RPS6KA6: variants seen among roughly 807,000 people sequenced by gnomAD.
RPS6KA6 encodes ribosomal protein S6 kinase alpha-6.
RPS6KA6 carries 27 observed loss-of-function variants against 65.4 expected under a neutral mutation model. The observed-to-expected ratio is 0.41, with a 90% CI of 0.30 to 0.57. The LOEUF (loss-of-function observed/expected upper bound fraction) is 0.57. Among genes scored for constraint, RPS6KA6 ranks in the 20% least tolerant of loss-of-function variants. RPS6KA6 has a pLI of 0.24. For missense variants in RPS6KA6, 486 were observed against 555.6 expected, an observed-to-expected ratio of 0.87 and a Z score of 1.26; for synonymous variants, 190 against 184.2, an observed-to-expected ratio of 1.03 and a Z score of -0.26.
intron 3 of RPS6KA6, among the ~76,000 whole-genome samples, chrX:84,151,141 A>C (rs1170107421): frequency 1.0e-5 from 1 of 96,065 alleles, no homozygotes; most frequent in Non-Finnish European, 2.0e-5. Context: ...GATATATAGG[A>C]TATATAGATA....
At position 84,183,183 on chromosome X, in the gene RPS6KA6, G is replaced by A. The variant is rs1040377395; in HGVS notation, c.81+4636C>T. ...CTAATACAGAGACTTATATTGGCAG[G>A]TATGCATTAAATACCTGTTACATTG... On this transcript the variant is annotated intron_variant, in intron 1 of 21. Coordinates refer to ENST00000262752, the MANE Select transcript of RPS6KA6 (RefSeq NM_014496.5). 2.7e-5 allele frequency among the ~76,000 whole-genome samples: 3 copies of A among 111,520 alleles called. No individual in the cohort carries two copies. In the Admixed American group the frequency reaches 2.9e-4, roughly 11 times the overall value.
At position 84,061,676 on chromosome X, in the gene RPS6KA6, C is replaced by T. The variant is rs1175527815; in HGVS notation, c.*2601G>A. 3.7e-5 allele frequency: 4 copies of T among 108,266 alleles called. No individual in the cohort carries two copies. Among genetic ancestry groups the T allele is most frequent in the Non-Finnish European group, 7.7e-5 (4 of 52,095 alleles). 8.9% of individuals were successfully genotyped at this position (108,266 alleles called of 1,213,427 possible). On this transcript the variant is annotated 3_prime_UTR_variant, in exon 22 of 22. Coordinates refer to ENST00000262752, the MANE Select transcript of RPS6KA6 (RefSeq NM_014496.5). ...CTCTAAGAAAAACAAATTCAATATC[C>T]TCCCCCTTCAAGAACAATAAAACCC... is the stretch of plus-strand genomic sequence containing the variant.
chrX:84,187,583 G>C lies in RPS6KA6; in HGVS notation c.81+236C>G. 3 of 311,572 alleles carry C rather than the reference G, an allele frequency of 9.6e-6. No individual in the cohort carries two copies. The Admixed American group carries it at 1.8e-4, about 19-fold the overall frequency. 25.7% of individuals were successfully genotyped at this position (311,572 alleles called of 1,213,427 possible). On this transcript the variant is annotated intron_variant, in intron 1 of 21. Transcript: ENST00000262752. ...CAACAACTCTGGCGTGGCCCGCCAG[G>C]CAGGCGCTCCGCCCAAGGCCGAGCC...
intron 20 of RPS6KA6, among the ~76,000 whole-genome samples, chrX:84,094,710 C>T (rs777717328): frequency 2.3e-4 from 25 of 110,986 alleles, no homozygotes; most frequent in African/African-American, 8.1e-4. Flanking sequence ...AAGTGGAGAA[C>T]TTGTTCTACA....
chrX:84,112,550 A>C (rs1347275585), intron 12 of RPS6KA6, among the ~76,000 whole-genome samples: 6 of 112,211 alleles, frequency 5.3e-5, no homozygotes, highest in Non-Finnish European at 1.1e-4. Flanking sequence ...ATGGAAATGA[A>C]ACAAGTTGCT....
intron 20 of RPS6KA6, among the ~76,000 whole-genome samples, chrX:84,079,205 G>A (rs1294212707): frequency 9.0e-6 from 1 of 110,831 alleles, no homozygotes; most frequent in Non-Finnish European, 1.9e-5. Flanking sequence ...CTCAGGAAGC[G>A]CAAGGGGTCA....
At chrX:84,119,630 A>G (rs370007914) in intron 9 of RPS6KA6, among the ~76,000 whole-genome samples, 1 of 111,485 alleles carries the variant, frequency 9.0e-6, no homozygotes, top group African/African-American at 3.3e-5. Context: ...AGACCTTTTC[A>G]TAAGTATCAA....
intron 3 of RPS6KA6, among the ~76,000 whole-genome samples, chrX:84,154,311 A>T (rs898240594): frequency 9.0e-6 from 1 of 111,109 alleles, no homozygotes; most frequent in Non-Finnish European, 1.9e-5. Context: ...TTTTAATTTT[A>T]TTTAATATTC....
chrX:84,160,492 A>G (rs1342358113), intron 2 of RPS6KA6, among the ~76,000 whole-genome samples: 3 of 111,850 alleles, frequency 2.7e-5, no homozygotes, highest in Non-Finnish European at 5.7e-5. Context: ...TACTATTATA[A>G]CTCAATTACA....
intron 9 of RPS6KA6, 50 bp from the exon 10 acceptor site, chrX:84,117,504 T>C (rs1427292769): frequency 3.9e-6 from 3 of 773,174 alleles, no homozygotes; most frequent in South Asian, 3.5e-5. Context: ...CCTTAGAATA[T>C]ATAATAAGAT....
At chrX:84,119,246 G>A (rs2034623960) in intron 9 of RPS6KA6, among the ~76,000 whole-genome samples, 1 of 111,835 alleles carries the variant, frequency 8.9e-6, no homozygotes, top group Non-Finnish European at 1.9e-5. Context: ...CACTTAACAT[G>A]CTGATGTGTC....
At chrX:84,102,652 T>A (rs1408836825) in intron 17 of RPS6KA6, among the ~76,000 whole-genome samples, 1 of 110,932 alleles carries the variant, frequency 9.0e-6, no homozygotes, top group Non-Finnish European at 1.9e-5. Context: ...AAAAATCAAC[T>A]ATCTGAAGGC....
chrX:84,137,839 T>A (rs2035020058), intron 6 of RPS6KA6, among the ~76,000 whole-genome samples: 1 of 111,992 alleles, frequency 8.9e-6, no homozygotes, highest in Non-Finnish European at 1.9e-5. Context: ...AAATGTCAGT[T>A]TTCTATCATA....
chrX:84,087,692 A>C (rs2033955619), intron 20 of RPS6KA6, among the ~76,000 whole-genome samples: 1 of 111,282 alleles, frequency 9.0e-6, no homozygotes, highest in South Asian at 3.8e-4. Context: ...CTTGAATTTG[A>C]ATGTTGGTCT....
chrX:84,068,309 C>T (rs773398114), intron 20 of RPS6KA6, among the ~76,000 whole-genome samples: 1 of 112,228 alleles, frequency 8.9e-6, no homozygotes, highest in East Asian at 2.8e-4. Flanking sequence ...TTTCCATAAA[C>T]AGAACCAATG....
intron 20 of RPS6KA6, among the ~76,000 whole-genome samples, chrX:84,082,864 T>C (rs1270646605): frequency 8.9e-6 from 1 of 111,810 alleles, no homozygotes; most frequent in Non-Finnish European, 1.9e-5. Context: ...CCCTATTTAA[T>C]AAATGGCATT....
chrX:84,187,915 A>T lies in RPS6KA6; in HGVS notation c.-16T>A. 8.5e-7 allele frequency: 1 copy of T among 1,173,080 alleles called. No homozygotes were observed. The highest frequency in any genetic ancestry group is 1.1e-6 in the Non-Finnish European group (1 of 872,632). ...ATGGTAGCATCTCCCCTTCAGGAGC[A>T]CTCAAACAGGAGCTGCCGCCTACCG... On this transcript the variant is annotated 5_prime_UTR_variant, in exon 1 of 22. Transcript: ENST00000262752.
rs992918879 is a variant in RPS6KA6, at chrX:84,061,355, A to C, written c.*2922T>G. 7.1e-5 allele frequency: 8 copies of C among 112,205 alleles called. No homozygotes were observed. Among genetic ancestry groups the C allele is most frequent in the African/African-American group, 2.6e-4 (8 of 30,865 alleles). 9.2% of individuals were successfully genotyped at this position (112,205 alleles called of 1,213,427 possible). A position where few individuals can be genotyped will look rare whatever the true frequency, so the allele number is the denominator to read the frequency against. On this transcript the variant is annotated 3_prime_UTR_variant, in exon 22 of 22. Coordinates refer to ENST00000262752, the MANE Select transcript of RPS6KA6 (RefSeq NM_014496.5). ...CTGTTCTTAAGGTTGTGGGTTGCCT[A>C]AACATATGGAATCCCTTTGAGCCAA...
intron 6 of RPS6KA6, among the ~76,000 whole-genome samples, chrX:84,143,394 G>A (rs1057301370): frequency 5.4e-5 from 6 of 110,715 alleles, no homozygotes; most frequent in African/African-American, 2.0e-4. Context: ...ACAAAAAATC[G>A]GTTGTGTTTC....
Sources: allele counts gnomAD v4.1 joint callset (sites outside exome capture counted in the v4.1 genomes callset), GRCh38; gene constraint gnomAD v4.1.1; transcripts MANE v1.5; gene names NCBI Gene and HGNC (gene_info 2026-07-23, HGNC 2026-07-21).